Variants in PCDHGB6 observed in about 807,000 individuals in gnomAD.
PCDHGB6 encodes protocadherin gamma-B6.
A neutral mutation model predicts 59.1 loss-of-function variants in PCDHGB6; 51 were observed. That is an observed-to-expected ratio of 0.86 (90% confidence interval 0.69 to 1.09). The LOEUF (loss-of-function observed/expected upper bound fraction) is 1.09. Ranked by LOEUF, PCDHGB6 falls within the 50% of genes least tolerant of loss-of-function variation. The pLI, the probability that PCDHGB6 is intolerant of heterozygous loss-of-function variation, is 0.00. For missense variants in PCDHGB6, 1,148 were observed against 1,205.1 expected (o/e 0.95, Z 0.70); for synonymous variants, 466 against 495.1 (o/e 0.94, Z 0.78).
At position 141,485,225 on chromosome 5, in the gene PCDHGB6, T is replaced by C; in HGVS notation, c.2419-9582T>C. The C allele has an allele frequency of 1.2e-6, 2 of 1,614,156 alleles. No homozygotes were observed. Among genetic ancestry groups the C allele is most frequent in the Non-Finnish European group, 1.7e-6 (2 of 1,180,010 alleles). On this transcript the variant is annotated intron_variant, in intron 1 of 3. Coordinates refer to ENST00000520790, the MANE Select transcript of PCDHGB6 (RefSeq NM_018926.3). The surrounding 1 kb of genome is among the most constrained non-coding windows in gnomAD (Gnocchi z 5.7). Reference sequence around the variant, plus strand: ...AGAAATCTGGCGGTGGGCTACCCTTTTGTTCCTCTTTTACCACCTGGGTTA... The same window carrying C: ...AGAAATCTGGCGGTGGGCTACCCTTCTGTTCCTCTTTTACCACCTGGGTTA...
chr5:141,476,483 G>A lies in PCDHGB6; in HGVS notation c.2419-18324G>A. On this transcript the variant is annotated intron_variant, in intron 1 of 3. Coordinates refer to ENST00000520790, the MANE Select transcript of PCDHGB6 (RefSeq NM_018926.3). The surrounding 1 kb of genome is among the most constrained non-coding windows in gnomAD (Gnocchi z 7.6). The stretch of plus-strand genomic sequence containing the variant: ...CCCGCTGGAGCTGTTCAGCGTGGAA[G>A]TGGTGATCCAGGACATCAACGACAA... The A allele has an allele frequency of 3.1e-6, 5 of 1,614,166 alleles. No individual in the cohort carries two copies. Among genetic ancestry groups the A allele is most frequent in the Non-Finnish European group, 4.2e-6 (5 of 1,180,034 alleles).
chr5:141,414,854 A>C (rs1191943867), intron 1 of PCDHGB6: 3 of 1,614,230 alleles, frequency 1.9e-6, no homozygotes, highest in Non-Finnish European at 2.5e-6. Context: ...CTGGACCAGA[A>C]CGACAATGCG....
chr5:141,510,709 CAGTGAGTAAGGAA>C (rs1452833908), intron 3 of PCDHGB6, among the ~76,000 whole-genome samples: 7 of 152,168 alleles, frequency 4.6e-5, no homozygotes, highest in Admixed American at 4.6e-4. Flanking sequence ...CCCAGGATCA[CAGTGAGTAAGGAA>C]AGGAGCTAGG....
At chr5:141,417,993 C>A in intron 1 of PCDHGB6, 1 of 1,613,830 alleles carries the variant, frequency 6.2e-7, no homozygotes, top group Non-Finnish European at 8.5e-7. Flanking sequence ...GCCAAGGGCT[C>A]GGTGGTGGGG....
At position 141,491,894 on chromosome 5, in the gene PCDHGB6, C is replaced by T. The variant is rs1209251388; in HGVS notation, c.2419-2913C>T. The T allele has an allele frequency of 1.5e-5, 22 of 1,434,752 alleles. No individual in the cohort carries two copies. Among genetic ancestry groups the T allele is most frequent in the Admixed American group, 2.9e-5 (1 of 34,278 alleles). 88.9% of individuals were successfully genotyped at this position (1,434,752 alleles called of 1,614,324 possible). The stretch of plus-strand genomic sequence containing the variant: ...GCCGATTAAGGGATGGGGCTCCGAG[C>T]ACCGGGGGTGGTGGCGACTGTGGGC... On this transcript the variant is annotated intron_variant, in intron 1 of 3. Transcript: ENST00000520790. The surrounding 1 kb of genome is among the most constrained non-coding windows in gnomAD (Gnocchi z 6.9).
At chr5:141,445,086 A>T (rs190267063) in intron 1 of PCDHGB6, among the ~76,000 whole-genome samples, 163 of 152,322 alleles carry the variant, frequency 1.1e-3, no homozygotes, top group African/African-American at 3.6e-3. Flanking sequence ...TTGTCCCTAC[A>T]TATTTGATGT....
chr5:141,492,072 C>G (rs2099736816), intron 1 of PCDHGB6: 2 of 480,040 alleles, frequency 4.2e-6, no homozygotes, highest in East Asian at 3.3e-5. Context: ...TCCTAGGCGC[C>G]GGCTCCGGCA....
chr5:141,431,333 C>G lies in PCDHGB6; in HGVS notation c.2418+20713C>G. 1.2e-6 allele frequency: 2 copies of G among 1,614,058 alleles called. No individual in the cohort carries two copies. The highest frequency in any genetic ancestry group is 2.2e-5 in the South Asian group (2 of 91,088). Reference sequence around the variant, plus strand: ...AAATGGAGCCGACGGTAGTAAGTACCCCGAATTGGTGCTGAAACGCGCCCT... The same window carrying G: ...AAATGGAGCCGACGGTAGTAAGTACGCCGAATTGGTGCTGAAACGCGCCCT... On this transcript the variant is annotated intron_variant, in intron 1 of 3. Coordinates refer to ENST00000520790, the MANE Select transcript of PCDHGB6 (RefSeq NM_018926.3). The surrounding 1 kb of genome is among the most constrained non-coding windows in gnomAD (Gnocchi z 4.8).
chr5:141,502,578 T>C (rs2099815145), intron 2 of PCDHGB6, among the ~76,000 whole-genome samples: 1 of 152,198 alleles, frequency 6.6e-6, no homozygotes, highest in African/African-American at 2.4e-5. Context: ...TATAAAAATA[T>C]ATTTTTATAA....
At chr5:141,496,886 C>T (rs1562175671) in intron 2 of PCDHGB6, among the ~76,000 whole-genome samples, 1 of 135,246 alleles carries the variant, frequency 7.4e-6, no homozygotes, top group African/African-American at 2.9e-5. Context: ...ACAAGTAACA[C>T]TTAAAAAAAA....
At chr5:141,423,471 G>A in intron 1 of PCDHGB6, 1 of 1,614,052 alleles carries the variant, frequency 6.2e-7, no homozygotes, top group South Asian at 1.1e-5. Context: ...ACGGGGTACA[G>A]GCTTTCCTGC....
rs186593502 is a variant in PCDHGB6 at position 141,429,415 on chromosome 5, A to G, written c.2418+18795A>G. Among the ~76,000 whole-genome samples, 582 of 151,976 alleles carry G rather than the reference A, an allele frequency of 3.8e-3. 6 individuals carry two copies. The highest frequency in any genetic ancestry group is 0.011 in the Admixed American group (171 of 15,260). ...AAAAAATTGAGATTAAGGTCTCATT[A>G]TGTTGCCCAGGCTGGACTCAAACTC... is the stretch of plus-strand genomic sequence containing the variant. On this transcript the variant is annotated intron_variant, in intron 1 of 3. Transcript: ENST00000520790.
In PCDHGB6 at chr5:141,418,814, A is replaced by G. The variant is rs2096290321; in HGVS notation, c.2418+8194A>G. ...AGAAGTAGAAAGATATACGATAAACATAGAAGCAAAAGACCGAGGATCTCT... is the reference window on the plus strand; with the variant it reads ...AGAAGTAGAAAGATATACGATAAACGTAGAAGCAAAAGACCGAGGATCTCT... On this transcript the variant is annotated intron_variant, in intron 1 of 3. Transcript: ENST00000520790. The G allele has an allele frequency of 6.2e-7, 1 of 1,613,962 alleles. No individual in the cohort carries two copies.
intron 1 of PCDHGB6, chr5:141,419,497 G>A (rs1357823931): frequency 6.2e-7 from 1 of 1,612,390 alleles, no homozygotes; most frequent in South Asian, 1.1e-5. Context: ...GCGCCAATGT[G>A]AGCCTGCGCG....
chr5:141,412,987 A>C lies in PCDHGB6; in HGVS notation c.2418+2367A>C, dbSNP rs192699644. Reference sequence around the variant, plus strand: ...AGGAGAGAAAACGCAGCCAGAGCTCAATCCGGATTCTCAGGGCTTCAACTA... The same window carrying C: ...AGGAGAGAAAACGCAGCCAGAGCTCCATCCGGATTCTCAGGGCTTCAACTA... On this transcript the variant is annotated intron_variant, in intron 1 of 3. Transcript: ENST00000520790. The C allele has an allele frequency of 5.3e-6, 3 of 564,534 alleles. No homozygotes were observed. In the African/African-American group the frequency reaches 5.7e-5, roughly 11 times the overall value. The allele number at this position is 564,534 out of a possible 1,614,324, so 35.0% of individuals were successfully genotyped here.
intron 2 of PCDHGB6, among the ~76,000 whole-genome samples, chr5:141,503,744 A>G (rs1310696654): frequency 2.0e-5 from 3 of 152,112 alleles, no homozygotes; most frequent in African/African-American, 4.8e-5. Context: ...GATGGTATAG[A>G]GGTCACACAT....
intron 1 of PCDHGB6, chr5:141,423,389 A>G (rs568843632): frequency 2.5e-6 from 4 of 1,614,160 alleles, no homozygotes; most frequent in Admixed American, 1.7e-5. Flanking sequence ...TGGCGCTGGC[A>G]TAAGTCACGC....
At position 141,431,140 on chromosome 5, in the gene PCDHGB6, C is replaced by T. The variant is rs145692116; in HGVS notation, c.2418+20520C>T. 2.4e-5 allele frequency: 38 copies of T among 1,614,208 alleles called. No individual in the cohort carries two copies. Among genetic ancestry groups the T allele is most frequent in the Admixed American group, 3.3e-5 (2 of 60,038 alleles). On this transcript the variant is annotated intron_variant, in intron 1 of 3. Coordinates refer to ENST00000520790, the MANE Select transcript of PCDHGB6 (RefSeq NM_018926.3). This position sits in a 1 kb window ranked among gnomAD's most constrained non-coding sequence, Gnocchi z 4.8. ...TAGAAGTAGAAGTAAGGGACATTAA[C>T]GACAATGCGCCTTACTTTCGTGAAA...
At chr5:141,453,969 A>T (rs543979166) in intron 1 of PCDHGB6, among the ~76,000 whole-genome samples, 13 of 152,356 alleles carry the variant, frequency 8.5e-5, no homozygotes, top group South Asian at 2.1e-4. Flanking sequence ...CAAAGCATGT[A>T]GTTGTGTTGC....
Sources: gnomAD v4.1 joint callset for allele counts (sites outside exome capture counted in the v4.1 genomes callset) on GRCh38, gnomAD v4.1.1 for gene constraint, Gnocchi (gnomAD v3.1) non-coding constraint, MANE v1.5 for transcripts, NCBI Gene and HGNC (gene_info 2026-07-23, HGNC 2026-07-21) for gene names.